Variants in TTN observed in about 807,000 individuals in gnomAD.
TTN encodes titin.
A neutral mutation model predicts 3,223.0 loss-of-function variants in TTN; 1,525 were observed. The ratio of observed to expected loss-of-function variants is 0.47; its 90% confidence interval spans 0.45 to 0.49. The LOEUF is 0.49. TTN is among the 20% of genes least tolerant of loss of function. TTN has a pLI of 0.00. For synonymous variants in TTN, 14,094 were observed against 15,161.0 expected (o/e 0.93, Z 5.17); for missense variants, 40,786 against 43,424.0 (o/e 0.94, Z 5.40).
rs199522558 is a variant in TTN, at chr2:178,663,461, A to T, written c.36588T>A (p.Pro12196=). 6.2e-7 allele frequency: 1 copy of T among 1,612,084 alleles called. No homozygotes were observed. The highest frequency in any genetic ancestry group is 8.5e-7 in the Non-Finnish European group (1 of 1,179,424). ...TTGTGGGTGGCACTTCAGGCTTTTTAGGAGGAGGCACTGGCACTTTCTTTT... is the reference window on the plus strand; with the variant it reads ...TTGTGGGTGGCACTTCAGGCTTTTTTGGAGGAGGCACTGGCACTTTCTTTT... The part of the protein sequence containing the change: ...VPEKKVPVPP[P]KKPEVPPTKV... The change falls in exon 172 of 363, where the codon CCT becomes CCA. Residue 12196 remains proline, a synonymous_variant. Transcript: ENST00000589042.
Position 178,574,262 on chromosome 2 carries a change from G to C in TTN, c.71870C>G (p.Thr23957Ser), listed in dbSNP as rs1330924504. 2 of 1,612,708 alleles carry C rather than the reference G, an allele frequency of 1.2e-6. No individual in the cohort carries two copies. Among genetic ancestry groups the C allele is most frequent in the African/African-American group, 1.3e-5 (1 of 74,972 alleles). ...GTCTCTCTTTTCAACGATATAACTGGTAATTTTAAAGCCCCCAGTATATTC... is the reference window on the plus strand; with the variant it reads ...GTCTCTCTTTTCAACGATATAACTGCTAATTTTAAAGCCCCCAGTATATTC... ...KPEYTGGFKI[T>S]SYIVEKRDLP... The change falls in exon 326 of 363, where the codon ACC (threonine) becomes AGC (serine). Residue 23957 changes from threonine (T) to serine (S), a missense_variant. Coordinates refer to ENST00000589042, the MANE Select transcript of TTN (RefSeq NM_001267550.2).
At chr2:178,618,160 C>A in intron 252 of TTN, 29 bp downstream of exon 252, 3 of 1,610,026 alleles carry the variant, frequency 1.9e-6, no homozygotes, top group Non-Finnish European at 2.5e-6. Context: ...TACTTAAAAG[C>A]TAACTTGAAT....
intron 88 of TTN, 112 bp downstream of exon 88, chr2:178,716,983 C>T: frequency 8.2e-7 from 1 of 1,224,560 alleles, no homozygotes; most frequent in Non-Finnish European, 1.1e-6. Flanking sequence ...GATCCATTTT[C>T]ATCACTAGAC....
At position 178,532,084 on chromosome 2, in the gene TTN, G is replaced by C; in HGVS notation, c.104531C>G (p.Ser34844Cys). Reference protein sequence around the residue: ...SRLLRRRRSLSPTYIELMRPV... With the variant: ...SRLLRRRRSLCPTYIELMRPV... ...CCTCATTAACTCAATATAAGTTGGA[G>C]ACAGGGAGCGCCGTCGTCTCAGTAG... Residue 34844 changes from serine to cysteine, a missense_variant, in exon 358 of 363, where the codon TCT (serine) becomes TGT (cysteine). Physicochemically the swap from Ser to Cys is moderately radical, Grantham distance 112. Coordinates refer to ENST00000589042, the MANE Select transcript of TTN (RefSeq NM_001267550.2). 1 of 1,613,944 alleles carries C rather than the reference G, an allele frequency of 6.2e-7. No homozygotes were observed. Among genetic ancestry groups the C allele is most frequent in the Non-Finnish European group, 8.5e-7 (1 of 1,179,868 alleles).
Position 178,650,760 on chromosome 2 carries a change from G to A in TTN, c.39700C>T (p.Pro13234Ser), listed in dbSNP as rs749064224. The change falls in exon 209 of 363, where the codon CCC becomes TCC. Residue 13234 changes from proline (P) to serine (S), a missense_variant. Coordinates refer to ENST00000589042, the MANE Select transcript of TTN (RefSeq NM_001267550.2). ...VPVPERAESP[P>S]PEVYEEPEEI... ...CCGGTCTCACGTGTACCTTCTGGGGGAGGAGACTCCGCTCTTTCTGGAACA... is the reference window on the plus strand; with the variant it reads ...CCGGTCTCACGTGTACCTTCTGGGGAAGGAGACTCCGCTCTTTCTGGAACA... 2 of 1,603,912 alleles carry A rather than the reference G, an allele frequency of 1.2e-6. No individual in the cohort carries two copies. Among genetic ancestry groups the A allele is most frequent in the Non-Finnish European group, 1.7e-6 (2 of 1,174,952 alleles).
intron 133 of TTN, 81 bp downstream of exon 133, chr2:178,683,918 A>G: frequency 9.6e-7 from 1 of 1,040,376 alleles, no homozygotes; most frequent in Admixed American, 2.9e-5. Flanking sequence ...TTTTTTTTCT[A>G]ATGGAACCTA....
rs1311757616 is a variant in TTN at position 178,616,992 on chromosome 2, C to A, written c.47897G>T (p.Ser15966Ile). The A allele has an allele frequency of 1.2e-6, 2 of 1,612,532 alleles. No homozygotes were observed. The highest frequency in any genetic ancestry group is 4.5e-5 in the East Asian group (2 of 44,716). The change falls in exon 256 of 363, where the codon AGT (serine) becomes ATT (isoleucine). Residue 15966 changes from serine to isoleucine, a missense_variant. Ser to Ile is a moderately radical substitution (Grantham distance 142). Transcript: ENST00000589042. ...DAFVEPTMDLSAFKDGLEVIV... is the reference protein window; with the variant it reads ...DAFVEPTMDLIAFKDGLEVIV... ...AACTTCCAGACCATCTTTAAATGCA[C>A]TTAAATCCATTGTTGGTTCAACTAC...
Position 178,766,435 on chromosome 2 carries a change from C to T in TTN, c.9649G>A (p.Glu3217Lys), listed in dbSNP as rs759502450. The T allele has an allele frequency of 3.1e-5, 50 of 1,614,006 alleles. No individual in the cohort carries two copies. In the South Asian group the frequency reaches 5.4e-4, roughly 17 times the overall value. Residue 3217 changes from glutamate (E) to lysine (K), a missense_variant, in exon 41 of 363, where the codon GAA becomes AAA. Glu to Lys is a moderately conservative substitution (Grantham distance 56). Transcript: ENST00000589042. Reference protein sequence around the residue: ...ISETRQSDAGEYTFVAGRNRS... With the variant: ...ISETRQSDAGKYTFVAGRNRS... ...TTCCTTCCTGCCACAAAGGTGTATT[C>T]TCCTGCATCGCTCTGTCTGGTCTCA...
chr2:178,663,577 C>T (rs762721207), intron 171 of TTN, 50 bp downstream of exon 171: 1 of 1,613,132 alleles, frequency 6.2e-7, no homozygotes, highest in South Asian at 1.1e-5. Flanking sequence ...AAAATATTTT[C>T]CAGAGCAGAA....
chr2:178,734,839 G>T lies in TTN; in HGVS notation c.15085C>A (p.Arg5029=). Residue 5029 remains arginine (R), a synonymous_variant, in exon 51 of 363, where the codon CGA becomes AGA. Transcript: ENST00000589042. ...GCCTCAGAATTGACAAAATACATTCGGACTGTGTTACTTTCACTGAGTTCT... is the reference window on the plus strand; with the variant it reads ...GCCTCAGAATTGACAAAATACATTCTGACTGTGTTACTTTCACTGAGTTCT... ...NKELSESNTV[R]MYFVNSEAIL... 3.1e-6 allele frequency: 5 copies of T among 1,613,578 alleles called. No homozygotes were observed. The highest frequency in any genetic ancestry group is 4.2e-6 in the Non-Finnish European group (5 of 1,179,724).
At position 178,689,078 on chromosome 2, in the gene TTN, G is replaced by A. The variant is rs757316831; in HGVS notation, c.32070C>T (p.Val10690=). 39 of 1,606,826 alleles carry A rather than the reference G, an allele frequency of 2.4e-5. No homozygotes were observed. The highest frequency in any genetic ancestry group is 2.9e-5 in the Non-Finnish European group (34 of 1,178,844). Residue 10690 remains valine (V), a synonymous_variant, in exon 125 of 363, where the codon GTC becomes GTT. Transcript: ENST00000589042. The part of the protein sequence containing the change: ...PEEKVAVPVP[V]AKKAPPPRAE... ...CTCGGGGAGGAGGAGCTTTCTTAGCGACAGGAACTGGCACTGCAACTTTCT... is the reference window on the plus strand; with the variant it reads ...CTCGGGGAGGAGGAGCTTTCTTAGCAACAGGAACTGGCACTGCAACTTTCT...
chr2:178,744,259 T>C (rs1263538207), intron 47 of TTN: 1 of 601,394 alleles, frequency 1.7e-6, no homozygotes, highest in Non-Finnish European at 2.1e-6. Context: ...TTATCTTTCA[T>C]TGTAATATTA....
intron 240 of TTN, 118 bp downstream of exon 240, chr2:178,629,183 G>A (rs1047954458): frequency 5.9e-6 from 8 of 1,358,850 alleles, no homozygotes; most frequent in Admixed American, 3.1e-5. Context: ...AAGGCGGAAA[G>A]AGAAAGGCAA....
chr2:178,534,721 T>C lies in TTN; in HGVS notation c.101894A>G (p.Gln33965Arg). The change falls in exon 358 of 363, where the codon CAG (glutamine) becomes CGG (arginine). Residue 33965 changes from glutamine (Q) to arginine (R), a missense_variant. By Grantham distance (43) the Gln-to-Arg change is conservative. Coordinates refer to ENST00000589042, the MANE Select transcript of TTN (RefSeq NM_001267550.2). ...IKIIEFGQAR[Q>R]LKPGDNFRLL... ...CCTGAAGTTGTCCCCTGGTTTCAGC[T>C]GACGGGCTTGACCAAATTCTATGAT... is the stretch of plus-strand genomic sequence containing the variant. 6.2e-7 allele frequency: 1 copy of C among 1,613,912 alleles called. No individual in the cohort carries two copies. The highest frequency in any genetic ancestry group is 8.5e-7 in the Non-Finnish European group (1 of 1,179,794).
Position 178,575,432 on chromosome 2 carries a change from T to C in TTN, c.70700A>G (p.Tyr23567Cys), listed in dbSNP as rs1004548694. ...GCCTTTTCTTTGGGCTTCAATCACA[T>C]AGCCAGTGATCTTGCTGCCACCATC... ...KHDGGSKITG[Y>C]VIEAQRKGSD... is the part of the protein sequence containing the mutation. Residue 23567 changes from tyrosine (Y) to cysteine (C), a missense_variant, in exon 326 of 363, where the codon TAT becomes TGT. Physicochemically the swap from Tyr to Cys is radical, Grantham distance 194. Coordinates refer to ENST00000589042, the MANE Select transcript of TTN (RefSeq NM_001267550.2). The surrounding 1 kb of genome is among the most constrained non-coding windows in gnomAD (Gnocchi z 4.0). The C allele has an allele frequency of 1.9e-6, 3 of 1,613,506 alleles. No homozygotes were observed. Among genetic ancestry groups the C allele is most frequent in the Non-Finnish European group, 1.7e-6 (2 of 1,179,632 alleles).
At position 178,594,334 on chromosome 2, in the gene TTN, A is replaced by G. The variant is rs397517635; in HGVS notation, c.58150+10T>C. On this transcript the variant is annotated intron_variant, in intron 296 of 362. Coordinates refer to ENST00000589042, the MANE Select transcript of TTN (RefSeq NM_001267550.2). ...AAGTTTCAGAAGTATAAATTGTAGT[A>G]GACACATACCCAGCTCATCCTTGCA... The G allele has an allele frequency of 1.3e-5, 21 of 1,591,876 alleles. No individual in the cohort carries two copies. The highest frequency in any genetic ancestry group is 7.3e-5 in the Admixed American group (4 of 54,984).
rs771991019 is a variant in TTN, at chr2:178,620,338, C to T, written c.46183G>A (p.Glu15395Lys). The stretch of plus-strand genomic sequence containing the variant: ...GTGACTGTCTGATCTTCCAAGTGTT[C>T]CACAAATTCTGTCGGGGCTTCTATG... ...LIIEAPTEFVEHLEDQTVTEF... is the reference protein window; with the variant it reads ...LIIEAPTEFVKHLEDQTVTEF... Residue 15395 changes from glutamate (E) to lysine (K), a missense_variant, in exon 248 of 363, where the codon GAA (glutamate) becomes AAA (lysine). Coordinates refer to ENST00000589042, the MANE Select transcript of TTN (RefSeq NM_001267550.2). The T allele has an allele frequency of 3.8e-6, 6 of 1,599,146 alleles. No individual in the cohort carries two copies. In the East Asian group the frequency reaches 6.7e-5, roughly 18 times the overall value.
In TTN at chr2:178,717,213, T is replaced by C. The variant is rs886055293; in HGVS notation, c.25521A>G (p.Val8507=). Residue 8507 remains valine (V), a synonymous_variant, in exon 88 of 363, where the codon GTA becomes GTG. Transcript: ENST00000589042. ...RPGGNYKMTL[V]ENTATLTVLK... ...GAACTGTCAGAGTGGCAGTATTTTCTACCAAAGTCATCTTGTAGTTGCCTC... is the reference window on the plus strand; with the variant it reads ...GAACTGTCAGAGTGGCAGTATTTTCCACCAAAGTCATCTTGTAGTTGCCTC... 2 of 1,613,694 alleles carry C rather than the reference T, an allele frequency of 1.2e-6. No individual in the cohort carries two copies. Among genetic ancestry groups the C allele is most frequent in the Non-Finnish European group, 1.7e-6 (2 of 1,179,666 alleles).
At position 178,741,275 on chromosome 2, in the gene TTN, G is replaced by T. The variant is rs1227928403; in HGVS notation, c.11958C>A (p.Ile3986=). 1 of 1,613,884 alleles carries T rather than the reference G, an allele frequency of 6.2e-7. No homozygotes were observed. Among genetic ancestry groups the T allele is most frequent in the Non-Finnish European group, 8.5e-7 (1 of 1,179,830 alleles). ...KQLCTSVYYT[I]IHNPNGSGTF... is the part of the protein sequence containing the mutation. ...TTCCAGAGCCATTAGGGTTATGAAT[G>T]ATAGTGTAATAAACACTGGTGCAAA... The change falls in exon 48 of 363, where the codon ATC becomes ATA. Residue 3986 remains isoleucine (I), a synonymous_variant. Coordinates refer to ENST00000589042, the MANE Select transcript of TTN (RefSeq NM_001267550.2).
Sources: allele counts gnomAD v4.1 joint callset, GRCh38; gene constraint gnomAD v4.1.1; non-coding constraint Gnocchi (gnomAD v3.1); transcripts MANE v1.5; gene names NCBI Gene and HGNC (gene_info 2026-07-23, HGNC 2026-07-21).